The following GPC6 variants were observed in gnomAD, a reference collection of about 807,000 sequenced individuals.
GPC6 encodes the protein glypican-6.
In GPC6, 14 loss-of-function variants were observed where a neutral mutation model predicts 55.2. The observed-to-expected ratio is 0.25, with a 90% confidence interval of 0.17 to 0.40. The LOEUF (loss-of-function observed/expected upper bound fraction) is 0.40, where lower values mean the gene tolerates loss of function less well. Ranked by LOEUF, GPC6 falls within the 10% of genes least tolerant of loss-of-function variation. GPC6 has a pLI of 1.00. For synonymous variants in GPC6, 278 were observed against 259.6 expected, an observed-to-expected ratio of 1.07 and a Z score of -0.68; for missense variants, 641 against 708.5, an observed-to-expected ratio of 0.90 and a Z score of 1.08.
At chr13:93,348,780 A>G (rs1880515123) in intron 1 of GPC6, among the ~76,000 whole-genome samples, 1 of 152,226 alleles carries the variant, frequency 6.6e-6, no homozygotes, top group South Asian at 2.1e-4. Flanking sequence ...TTCTACTAGC[A>G]GCAAAGAAAG....
chr13:93,225,365 T>C (rs1294944182), upstream of GPC6, among the ~76,000 whole-genome samples: 1 of 152,168 alleles, frequency 6.6e-6, no homozygotes, highest in Non-Finnish European at 1.5e-5. Flanking sequence ...TGAGGGAAAA[T>C]AAGTTCAGTG....
At chr13:93,756,596 A>G (rs149127665) in intron 2 of GPC6, among the ~76,000 whole-genome samples, 1 of 152,288 alleles carries the variant, frequency 6.6e-6, no homozygotes, top group East Asian at 1.9e-4. Flanking sequence ...GAATTCACCA[A>G]TGCCAAGGCA....
chr13:94,357,413 A>T (rs1878851662), intron 6 of GPC6, among the ~76,000 whole-genome samples: 1 of 151,966 alleles, frequency 6.6e-6, no homozygotes, highest in Admixed American at 6.6e-5. Flanking sequence ...CAGACCCAGG[A>T]CCCCTACTCT....
intron 6 of GPC6, among the ~76,000 whole-genome samples, chr13:94,335,413 C>G (rs1223076009): frequency 6.6e-6 from 1 of 152,084 alleles, no homozygotes; most frequent in African/African-American, 2.4e-5. Context: ...ATAATCCTTG[C>G]CAAGAAGTAG....
At chr13:94,195,806 G>A (rs2138968738) in intron 4 of GPC6, among the ~76,000 whole-genome samples, 1 of 152,336 alleles carries the variant, frequency 6.6e-6, no homozygotes, top group South Asian at 2.1e-4. Context: ...ACATGGGGAA[G>A]AGCCCATACC....
intron 1 of GPC6, among the ~76,000 whole-genome samples, chr13:93,469,076 G>A (rs1189736953): frequency 6.6e-6 from 1 of 152,032 alleles, no homozygotes; most frequent in East Asian, 1.9e-4. Flanking sequence ...GCTAGATTTT[G>A]CGCTTTGCAG....
chr13:94,078,394 A>G (rs1334364005), intron 4 of GPC6, among the ~76,000 whole-genome samples: 1 of 151,944 alleles, frequency 6.6e-6, no homozygotes, highest in African/African-American at 2.4e-5. Flanking sequence ...AGAAGGAAGG[A>G]CACAATAAAG....
intron 2 of GPC6, among the ~76,000 whole-genome samples, chr13:93,672,819 A>G (rs989728506): frequency 6.6e-6 from 1 of 152,040 alleles, no homozygotes; most frequent in Admixed American, 6.6e-5. Flanking sequence ...CTAAAAGTGC[A>G]CCATACAGTT....
chr13:93,817,891 TA>T (rs1886912819), intron 2 of GPC6, among the ~76,000 whole-genome samples: 1 of 149,610 alleles, frequency 6.7e-6, no homozygotes, highest in Non-Finnish European at 1.5e-5. Flanking sequence ...GATAGATAGA[TA>T]GATATAAATT....
At chr13:93,708,701 C>G (rs1882940858) in intron 2 of GPC6, among the ~76,000 whole-genome samples, 1 of 151,656 alleles carries the variant, frequency 6.6e-6, no homozygotes, top group Admixed American at 6.6e-5. Context: ...GTCTTTTTAA[C>G]AATGACAGAT....
intron 2 of GPC6, among the ~76,000 whole-genome samples, chr13:93,670,954 C>T (rs190386587): frequency 5.1e-4 from 77 of 152,282 alleles, no homozygotes; most frequent in African/African-American, 1.8e-3. Context: ...AAGAGCAAAG[C>T]GTCCTGCCTT....
chr13:94,318,836 G>A (rs1876673726), intron 6 of GPC6, among the ~76,000 whole-genome samples: 1 of 152,038 alleles, frequency 6.6e-6, no homozygotes, highest in South Asian at 2.1e-4. Flanking sequence ...TATATATAGT[G>A]ATTTCCTTTC....
intron 1 of GPC6, among the ~76,000 whole-genome samples, chr13:93,294,407 C>G (rs1176070671): frequency 6.6e-6 from 1 of 152,080 alleles, no homozygotes; most frequent in East Asian, 1.9e-4. Context: ...CATAATGATT[C>G]CAAATTTCCT....
At chr13:93,806,512 G>A (rs1886547261) in intron 2 of GPC6, among the ~76,000 whole-genome samples, 1 of 152,062 alleles carries the variant, frequency 6.6e-6, no homozygotes, top group African/African-American at 2.4e-5. Context: ...GCTAATTTTT[G>A]TATTTTTAGT....
chr13:93,630,098 C>A (rs944747268), intron 2 of GPC6, among the ~76,000 whole-genome samples: 2 of 152,196 alleles, frequency 1.3e-5, no homozygotes, highest in Non-Finnish European at 2.9e-5. Flanking sequence ...ACTATCATTA[C>A]TATATGTCCA....
chr13:94,186,375 C>T (rs1889187594), intron 4 of GPC6, among the ~76,000 whole-genome samples: 2 of 152,122 alleles, frequency 1.3e-5, no homozygotes, highest in Non-Finnish European at 2.9e-5. Flanking sequence ...GAGCAGAGTC[C>T]CATTTTCCTC....
intron 4 of GPC6, among the ~76,000 whole-genome samples, chr13:94,121,683 A>C (rs1450291338): frequency 6.6e-6 from 1 of 152,154 alleles, no homozygotes; most frequent in African/African-American, 2.4e-5. Context: ...TAAAACATAG[A>C]CACAGAGATA....
In GPC6 at chr13:93,451,597, C is replaced by T. The variant is rs569985029; in HGVS notation, c.161-93666C>T. Among the ~76,000 whole-genome samples the T allele has an allele frequency of 2.8e-4, 43 of 152,346 alleles. No homozygotes were observed. The South Asian group carries it at 2.9e-3, about 10-fold the overall frequency. ...ATGTTGTACATGGAAGCTTGTGTGT[C>T]ATAGCCACAGAGTTGAGTAGTTGCA... On this transcript the variant is annotated intron_variant, in intron 1 of 8. Transcript: ENST00000377047.
intron 1 of GPC6, among the ~76,000 whole-genome samples, chr13:93,379,958 CAAAAAAAA>C (rs58011385): frequency 7.7e-6 from 1 of 129,236 alleles, no homozygotes; most frequent in Non-Finnish European, 1.6e-5. Flanking sequence ...AATTCTGTCT[CAAAAAAAA>C]AAAAAAAAAA....
Sources: gnomAD v4.1 joint callset for allele counts (sites outside exome capture counted in the v4.1 genomes callset) on GRCh38, gnomAD v4.1.1 for gene constraint, MANE v1.5 for transcripts, NCBI Gene and HGNC (gene_info 2026-07-23, HGNC 2026-07-21) for gene names.